TENT2: variants seen among roughly 807,000 people sequenced by gnomAD.
The protein encoded by TENT2 is poly(A) RNA polymerase GLD2.
Under a neutral mutation model 72.2 loss-of-function variants are expected in TENT2, and 44 were observed. That is an observed-to-expected ratio of 0.61 (90% CI 0.48 to 0.78). The LOEUF (loss-of-function observed/expected upper bound fraction) is 0.78, where lower values mean the gene tolerates loss of function less well. TENT2 is among the 30% of genes least tolerant of loss of function. The pLI is 0.00. For missense variants in TENT2, 541 were observed against 569.6 expected (o/e 0.95, Z 0.51); for synonymous variants, 212 against 192.5 (o/e 1.10, Z -0.84).
At chr5:79,670,853 G>A (rs1713097926) in intron 12 of TENT2, among the ~76,000 whole-genome samples, 2 of 151,282 alleles carry the variant, frequency 1.3e-5, no homozygotes, top group Non-Finnish European at 2.9e-5. Flanking sequence ...GGGAATTTGT[G>A]TACATGAAAC....
Position 79,644,424 on chromosome 5 carries a change from C to T in TENT2, c.752-699C>T, listed in dbSNP as rs186339366. ...AGATTTTCAGAATTTCATTTTTACACACTTCTGTATTTTCCTAATTTTCTA... is the reference window on the plus strand; with the variant it reads ...AGATTTTCAGAATTTCATTTTTACATACTTCTGTATTTTCCTAATTTTCTA... On this transcript the variant is annotated intron_variant, in intron 7 of 14. Transcript: ENST00000453514. Among the ~76,000 whole-genome samples, 549 of 152,200 alleles carry T rather than the reference C, an allele frequency of 3.6e-3. 2 individuals carry two copies. Among genetic ancestry groups the T allele is most frequent in the Middle Eastern group, 0.034 (10 of 294 alleles).
chr5:79,651,593 C>T (rs570767786), intron 10 of TENT2, among the ~76,000 whole-genome samples: 136 of 152,022 alleles, frequency 8.9e-4, no homozygotes, highest in Non-Finnish European at 1.3e-3. Context: ...TTGGCACACA[C>T]ACACACATTT....
rs1313379932 is a variant in TENT2, at chr5:79,669,008, A to G, written c.1188A>G (p.Lys396=). ...GGGACCTCTTACTGGGCTTTCTTAA[A>G]TATTATGCTACAGAATTTGAGTAAG... The part of the protein sequence containing the change: ...NLGDLLLGFL[K]YYATEFDWNS... Residue 396 remains lysine, a synonymous_variant, in exon 12 of 15, where the codon AAA becomes AAG. Transcript: ENST00000453514. The G allele has an allele frequency of 6.2e-7, 1 of 1,613,610 alleles. No homozygotes were observed. Among genetic ancestry groups the G allele is most frequent in the Non-Finnish European group, 8.5e-7 (1 of 1,179,814 alleles).
rs931617546 is a variant in TENT2, at chr5:79,686,346, A to G, written c.*1073A>G. The stretch of plus-strand genomic sequence containing the variant: ...AGTGGTGGCTGCTAAAAAAAAAGCT[A>G]CAGTGTTTATTAAGGGTCTTTTTGA... On this transcript the variant is annotated 3_prime_UTR_variant, in exon 15 of 15. Transcript: ENST00000453514. 1.3e-5 allele frequency: 2 copies of G among 152,088 alleles called. No individual in the cohort carries two copies. Among genetic ancestry groups the G allele is most frequent in the African/African-American group, 2.4e-5 (1 of 41,434 alleles). 9.4% of individuals were successfully genotyped at this position (152,088 alleles called of 1,614,324 possible).
At chr5:79,629,563 C>T (rs1773392530) in intron 4 of TENT2, among the ~76,000 whole-genome samples, 2 of 152,204 alleles carry the variant, frequency 1.3e-5, no homozygotes, top group Non-Finnish European at 2.9e-5. Context: ...CACAGTGGCT[C>T]ACGCCTGTAA....
At chr5:79,644,223 A>G (rs769251730) in intron 7 of TENT2, among the ~76,000 whole-genome samples, 8 of 151,986 alleles carry the variant, frequency 5.3e-5, no homozygotes, top group Non-Finnish European at 1.2e-4. Flanking sequence ...CTCAAGTGAT[A>G]CATCCACCTT....
chr5:79,654,286 C>A (rs536596375), intron 10 of TENT2, among the ~76,000 whole-genome samples: 12 of 152,178 alleles, frequency 7.9e-5, no homozygotes, highest in African/African-American at 2.9e-4. Flanking sequence ...ACAAAATTAG[C>A]TGGGCGTGGT....
chr5:79,680,591 A>C (rs1429693810), intron 13 of TENT2, among the ~76,000 whole-genome samples: 2 of 152,006 alleles, frequency 1.3e-5, no homozygotes, highest in African/African-American at 4.8e-5. Flanking sequence ...TATATGACAA[A>C]TCTAAAAGTT....
chr5:79,626,840 A>G (rs530885270), intron 4 of TENT2, among the ~76,000 whole-genome samples: 1 of 152,060 alleles, frequency 6.6e-6, no homozygotes, highest in South Asian at 2.1e-4. Context: ...TGAACGTATA[A>G]GAACCTTTTT....
At chr5:79,645,953 C>A (rs1788609336) in intron 8 of TENT2, among the ~76,000 whole-genome samples, 1 of 152,156 alleles carries the variant, frequency 6.6e-6, no homozygotes, top group African/African-American at 2.4e-5. Context: ...TATTCATACG[C>A]TTTTGTGGTC....
intron 4 of TENT2, among the ~76,000 whole-genome samples, chr5:79,633,138 G>C (rs1194355791): frequency 6.6e-6 from 1 of 152,196 alleles, no homozygotes; most frequent in Admixed American, 6.5e-5. Flanking sequence ...GGAATTGACT[G>C]TGAAGAATGA....
intron 11 of TENT2, among the ~76,000 whole-genome samples, chr5:79,663,113 CT>C (rs1036916223): frequency 3.3e-5 from 5 of 152,202 alleles, no homozygotes; most frequent in Non-Finnish European, 5.9e-5. Flanking sequence ...TACCTTCCAA[CT>C]TTTCTTCTGC....
chr5:79,658,396 G>A (rs1799469607), intron 11 of TENT2, among the ~76,000 whole-genome samples: 1 of 144,132 alleles, frequency 6.9e-6, no homozygotes, highest in Admixed American at 7.0e-5. Context: ...TTGCTGTGAT[G>A]CCCAGTTTGG....
At chr5:79,624,791 G>T (rs1768055465) in intron 4 of TENT2, among the ~76,000 whole-genome samples, 1 of 152,082 alleles carries the variant, frequency 6.6e-6, no homozygotes, top group African/African-American at 2.4e-5. Context: ...ACATCACTTT[G>T]TTAATGCAGT....
chr5:79,621,960 A>G (rs369723910), intron 3 of TENT2, among the ~76,000 whole-genome samples: 11 of 152,140 alleles, frequency 7.2e-5, no homozygotes, highest in African/African-American at 2.6e-4. Flanking sequence ...TATTTTGCAG[A>G]TCTATCAAGG....
At chr5:79,638,941 A>G in intron 4 of TENT2, among the ~76,000 whole-genome samples, 1 of 152,210 alleles carries the variant, frequency 6.6e-6, no homozygotes, top group South Asian at 2.1e-4. Flanking sequence ...GATTCTAAAT[A>G]TGTGAAAGAC....
rs1055388710 is a variant in TENT2 at position 79,630,040 on chromosome 5, C to T, written c.465+6551C>T. Among the ~76,000 whole-genome samples, 6 of 152,192 alleles carry T rather than the reference C, an allele frequency of 3.9e-5. No homozygotes were observed. In the East Asian group the frequency reaches 1.2e-3, roughly 29 times the overall value. The stretch of plus-strand genomic sequence containing the variant: ...GTCCCAGCAACTCGGGAGGCTGAGG[C>T]GGGAGAATTGCTTGAACTTGGGAGG... On this transcript the variant is annotated intron_variant, in intron 4 of 14. Transcript: ENST00000453514.
At chr5:79,631,368 A>G (rs555447887) in intron 4 of TENT2, among the ~76,000 whole-genome samples, 2 of 152,314 alleles carry the variant, frequency 1.3e-5, no homozygotes, top group South Asian at 4.1e-4. Flanking sequence ...CTTAATAGGG[A>G]TTGACTCATG....
At chr5:79,680,662 A>G (rs952781918) in intron 13 of TENT2, among the ~76,000 whole-genome samples, 2 of 152,094 alleles carry the variant, frequency 1.3e-5, no homozygotes, top group African/African-American at 4.8e-5. Flanking sequence ...CCCCTCGGTT[A>G]CCTTTCCTCT....
Sources: gnomAD v4.1 joint callset for allele counts (sites outside exome capture counted in the v4.1 genomes callset) on GRCh38, gnomAD v4.1.1 for gene constraint, MANE v1.5 for transcripts, NCBI Gene and HGNC (gene_info 2026-07-23, HGNC 2026-07-21) for gene names.